The following LIPC variants were observed in gnomAD, a reference collection of about 807,000 sequenced individuals.
The protein encoded by LIPC is lipase C, hepatic type, also known as hepatic triacylglycerol lipase.
LIPC carries 44 observed loss-of-function variants against 50.7 expected under a neutral mutation model. The ratio of observed to expected loss-of-function variants is 0.87; its 90% CI spans 0.68 to 1.11. The LOEUF is 1.11. LIPC is among the 50% of genes most tolerant of loss of function. LIPC has a pLI of 0.00. For synonymous variants in LIPC, 271 were observed against 256.4 expected (o/e 1.06, Z -0.54); for missense variants, 697 against 648.2 (o/e 1.08, Z -0.82).
intron 1 of LIPC, chr15:58,522,890 T>C (rs1892697125): frequency 6.6e-6 from 1 of 152,320 alleles, no homozygotes; most frequent in African/African-American, 2.4e-5. Flanking sequence ...CAGTGTGAAC[T>C]GTGAGCTCCC....
chr15:58,471,328 T>TGCG (rs1555399294), intron 1 of LIPC, among the ~76,000 whole-genome samples: 29,291 of 114,108 alleles, frequency 0.26, 4,000 homozygotes, highest in South Asian at 0.3. Context: ...TTAGTAGAGA[T>TGCG]GGGGGGGGGT....
At position 58,542,983 on chromosome 15, in the gene LIPC, G is replaced by A. The variant is rs920235389; in HGVS notation, c.574+332G>A. On this transcript the variant is annotated intron_variant, in intron 4 of 8. Coordinates refer to ENST00000299022, the MANE Select transcript of LIPC (RefSeq NM_000236.3). ...ATAATTTACAAAGTCCAATTTGGGC[G>A]AGTTAAGGAGTGAAGAATCACAGCC... Among the ~76,000 whole-genome samples the A allele has an allele frequency of 1.1e-4, 16 of 152,172 alleles. 1 individual carries two copies. Among genetic ancestry groups the A allele is most frequent in the East Asian group, 3.9e-4 (2 of 5,194 alleles).
intron 1 of LIPC, among the ~76,000 whole-genome samples, chr15:58,448,156 G>A (rs919293799): frequency 2.6e-5 from 4 of 152,098 alleles, no homozygotes; most frequent in Admixed American, 6.5e-5. Context: ...CATAAATTAG[G>A]GCCCAAATGT....
chr15:58,484,960 A>G (rs1891317855), intron 1 of LIPC, among the ~76,000 whole-genome samples: 2 of 152,232 alleles, frequency 1.3e-5, no homozygotes, highest in African/African-American at 4.8e-5. Context: ...CAAGGCCACC[A>G]GAAAAGGAGG....
intron 1 of LIPC, among the ~76,000 whole-genome samples, chr15:58,458,439 C>T (rs1412469433): frequency 2.0e-5 from 3 of 152,218 alleles, no homozygotes; most frequent in African/African-American, 4.8e-5. Context: ...TATGTTGGTG[C>T]ATATGCTGCT....
intron 1 of LIPC, chr15:58,474,003 T>A (rs1390647541): frequency 6.6e-6 from 1 of 152,256 alleles, no homozygotes; most frequent in African/African-American, 2.4e-5. Context: ...CCAAAACACA[T>A]TGCAGCCACA....
intron 1 of LIPC, among the ~76,000 whole-genome samples, chr15:58,455,639 A>G (rs1469147413): frequency 1.3e-5 from 2 of 152,206 alleles, no homozygotes; most frequent in Non-Finnish European, 2.9e-5. Flanking sequence ...CCTGTCAGCC[A>G]ACCTACACTT....
chr15:58,455,658 C>T (rs567649078), intron 1 of LIPC, among the ~76,000 whole-genome samples: 2 of 152,118 alleles, frequency 1.3e-5, no homozygotes, highest in Admixed American at 6.6e-5. Flanking sequence ...TTGTCATTTG[C>T]CACCATAGGT....
In LIPC at chr15:58,497,200, A is replaced by C. The variant is rs144636055; in HGVS notation, c.89-41133A>C. Among the ~76,000 whole-genome samples, 906 of 152,220 alleles carry C rather than the reference A, an allele frequency of 6.0e-3. 13 individuals are homozygous for C. The highest frequency in any genetic ancestry group is 0.02 in the African/African-American group (835 of 41,508). The stretch of plus-strand genomic sequence containing the variant: ...AGTGGTCAGTGTGCAGTAAATCCAA[A>C]TCTTTAAATGCAGTTCATGCTTCAC... On this transcript the variant is annotated intron_variant, in intron 1 of 8. Coordinates refer to ENST00000299022, the MANE Select transcript of LIPC (RefSeq NM_000236.3).
chr15:58,548,839 T>C (rs1489039324), intron 6 of LIPC, among the ~76,000 whole-genome samples: 1 of 152,122 alleles, frequency 6.6e-6, no homozygotes, highest in Non-Finnish European at 1.5e-5. Context: ...ATTTTCATGC[T>C]CCCCTAGAAT....
chr15:58,432,029 A>C lies in LIPC; in HGVS notation c.-4A>C, dbSNP rs1420782867. On this transcript the variant is annotated 5_prime_UTR_variant, in exon 1 of 9. Coordinates refer to ENST00000299022, the MANE Select transcript of LIPC (RefSeq NM_000236.3). ...AAAGCCTGGACCCCGGGTGAAACGG[A>C]GAAATGGACACAAGTCCCCTGTGTT... The C allele has an allele frequency of 6.2e-7, 1 of 1,611,382 alleles. No homozygotes were observed. Among genetic ancestry groups the C allele is most frequent in the Non-Finnish European group, 8.5e-7 (1 of 1,177,704 alleles).
intron 1 of LIPC, among the ~76,000 whole-genome samples, chr15:58,493,400 C>T (rs1307641874): frequency 6.6e-6 from 1 of 151,990 alleles, no homozygotes; most frequent in Non-Finnish European, 1.5e-5. Flanking sequence ...ATAAAGACTC[C>T]ATATGTGCCT....
intron 8 of LIPC, among the ~76,000 whole-genome samples, chr15:58,564,326 T>C (rs140819009): frequency 6.6e-6 from 1 of 152,024 alleles, no homozygotes; most frequent in Non-Finnish European, 1.5e-5. Flanking sequence ...GAAACTCCAA[T>C]GTAGAACAAT....
intron 1 of LIPC, among the ~76,000 whole-genome samples, chr15:58,477,499 T>C (rs554423583): frequency 9.7e-4 from 148 of 152,258 alleles, no homozygotes; most frequent in African/African-American, 3.5e-3. Context: ...AATTTTGAAG[T>C]CTAATCATTT....
chr15:58,547,689 G>C (rs1168329578), intron 5 of LIPC, among the ~76,000 whole-genome samples: 3 of 105,104 alleles, frequency 2.9e-5, no homozygotes, highest in African/African-American at 1.0e-4. Context: ...GCTTGTTTTG[G>C]GGGTGAGGCC....
intron 1 of LIPC, among the ~76,000 whole-genome samples, chr15:58,515,109 T>C (rs1237088452): frequency 6.6e-6 from 1 of 152,184 alleles, no homozygotes; most frequent in African/African-American, 2.4e-5. Flanking sequence ...CTCTCTCTGA[T>C]TCTAAGCCTC....
chr15:58,450,451 G>T (rs1893860376), intron 1 of LIPC, among the ~76,000 whole-genome samples: 1 of 152,212 alleles, frequency 6.6e-6, no homozygotes, highest in African/African-American at 2.4e-5. Flanking sequence ...ACCAATCATG[G>T]GAGAGATGAG....
At chr15:58,521,892 G>C (rs1223852763) in intron 1 of LIPC, 1 of 141,068 alleles carries the variant, frequency 7.1e-6, no homozygotes, top group Non-Finnish European at 1.6e-5. Flanking sequence ...AAGATGACTA[G>C]GAACGCTCTG....
intron 1 of LIPC, among the ~76,000 whole-genome samples, chr15:58,529,798 G>T (rs1338795556): frequency 6.6e-6 from 1 of 152,194 alleles, no homozygotes; most frequent in Non-Finnish European, 1.5e-5. Flanking sequence ...GGCATGTCAG[G>T]TGGCCTTTCT....
Sources: gnomAD v4.1 joint callset for allele counts (sites outside exome capture counted in the v4.1 genomes callset) on GRCh38, gnomAD v4.1.1 for gene constraint, MANE v1.5 for transcripts, NCBI Gene and HGNC (gene_info 2026-07-23, HGNC 2026-07-21) for gene names.